HDAC9: variants seen among roughly 807,000 people sequenced by gnomAD.
The protein encoded by HDAC9 is MEF-2 interacting transcription repressor (MITR) protein.
In HDAC9, 41 loss-of-function variants were observed where a neutral mutation model predicts 139.4. That is an observed-to-expected ratio of 0.29 (90% CI 0.23 to 0.38). The LOEUF (loss-of-function observed/expected upper bound fraction) is 0.38, where lower values mean the gene tolerates loss of function less well. Among genes scored for constraint, HDAC9 ranks in the 10% least tolerant of loss-of-function variants. The pLI is 1.00. For missense variants in HDAC9, 1,147 were observed against 1,297.0 expected (o/e 0.88, Z 1.78); for synonymous variants, 517 against 476.2 (o/e 1.09, Z -1.12).
intron 1 of HDAC9, among the ~76,000 whole-genome samples, chr7:18,117,761 A>G (rs912729389): frequency 6.6e-6 from 1 of 152,198 alleles, no homozygotes. Flanking sequence ...GAGAACTGTG[A>G]GAAAATAAAC....
At chr7:18,712,414 T>C (rs10280856) in intron 12 of HDAC9, among the ~76,000 whole-genome samples, 1,586 of 152,314 alleles carry the variant, frequency 0.01, 26 homozygotes, top group African/African-American at 0.036. Flanking sequence ...TAGAATGCCA[T>C]AGTCACTTAT....
At chr7:18,335,629 A>C (rs951156321) in intron 1 of HDAC9, among the ~76,000 whole-genome samples, 1 of 151,590 alleles carries the variant, frequency 6.6e-6, no homozygotes, top group Non-Finnish European at 1.5e-5. Context: ...TAATGGGGAA[A>C]GTAGATTTAT....
chr7:18,594,268 T>C (rs1831833706), intron 6 of HDAC9, among the ~76,000 whole-genome samples: 1 of 152,114 alleles, frequency 6.6e-6, no homozygotes, highest in South Asian at 2.1e-4. Context: ...ATTTGAACTT[T>C]AGCCAAATTA....
intron 2 of HDAC9, among the ~76,000 whole-genome samples, chr7:18,205,764 GA>G (rs1791462574): frequency 6.6e-6 from 1 of 152,014 alleles, no homozygotes; most frequent in African/African-American, 2.4e-5. Context: ...ATACTGGTTA[GA>G]AACATTTCAT....
intron 2 of HDAC9, among the ~76,000 whole-genome samples, chr7:18,207,856 A>G (rs1168308645): frequency 6.6e-6 from 1 of 151,958 alleles, no homozygotes; most frequent in Non-Finnish European, 1.5e-5. Context: ...CTGGGGTTAC[A>G]GGCATGAGCC....
intron 2 of HDAC9, among the ~76,000 whole-genome samples, chr7:18,560,412 A>G (rs967972479): frequency 6.6e-6 from 1 of 152,192 alleles, no homozygotes; most frequent in African/African-American, 2.4e-5. Context: ...ATGTCGTATT[A>G]GTTTCTGCTT....
intron 1 of HDAC9, among the ~76,000 whole-genome samples, chr7:18,407,997 C>G (rs1250184459): frequency 6.6e-6 from 1 of 152,156 alleles, no homozygotes; most frequent in Admixed American, 6.5e-5. Context: ...TGTCGATGGA[C>G]AAATTAACCT....
At chr7:18,582,596 CATT>C (rs1828168212) in intron 2 of HDAC9, among the ~76,000 whole-genome samples, 1 of 152,024 alleles carries the variant, frequency 6.6e-6, no homozygotes, top group Non-Finnish European at 1.5e-5. Context: ...TTCCCACAAA[CATT>C]ATTTTTAATG....
At chr7:18,171,774 C>T (rs190506362) in intron 2 of HDAC9, among the ~76,000 whole-genome samples, 13 of 152,272 alleles carry the variant, frequency 8.5e-5, no homozygotes, top group Admixed American at 7.2e-4. Context: ...GTTGAACCAG[C>T]CTTGCATCCC....
At chr7:18,649,886 G>A (rs1213448105) in intron 11 of HDAC9, among the ~76,000 whole-genome samples, 1 of 152,148 alleles carries the variant, frequency 6.6e-6, no homozygotes, top group African/African-American at 2.4e-5. Context: ...TGGGGTGCTA[G>A]AGATGGGGTG....
At chr7:18,366,015 C>G (rs1466209420) in intron 1 of HDAC9, among the ~76,000 whole-genome samples, 1 of 150,650 alleles carries the variant, frequency 6.6e-6, no homozygotes, top group Non-Finnish European at 1.5e-5. Context: ...CGCAAAGCAA[C>G]CAGGAATCAT....
intron 24 of HDAC9, among the ~76,000 whole-genome samples, chr7:18,956,187 C>G (rs1328582441): frequency 2.6e-5 from 4 of 152,052 alleles, no homozygotes; most frequent in African/African-American, 7.2e-5. Context: ...TTTACACCAC[C>G]CAACAGTGAT....
At chr7:18,993,715 A>C (rs1029946412) in intron 25 of HDAC9, among the ~76,000 whole-genome samples, 11 of 152,062 alleles carry the variant, frequency 7.2e-5, no homozygotes, top group Non-Finnish European at 2.9e-5. Context: ...AGGTAGGAGA[A>C]TGGCTTGAGC....
intron 1 of HDAC9, among the ~76,000 whole-genome samples, chr7:18,443,852 A>G (rs1255567370): frequency 6.6e-6 from 1 of 151,750 alleles, no homozygotes; most frequent in African/African-American, 2.4e-5. Context: ...ATTTGTATAT[A>G]CATTTGTATA....
chr7:18,873,399 AT>A (rs1438206313), intron 21 of HDAC9, among the ~76,000 whole-genome samples: 1 of 152,176 alleles, frequency 6.6e-6, no homozygotes, highest in African/African-American at 2.4e-5. Flanking sequence ...TATTTCAATC[AT>A]TTACATTTCT....
chr7:18,469,887 C>T (rs1401183497), intron 1 of HDAC9, among the ~76,000 whole-genome samples: 2 of 152,032 alleles, frequency 1.3e-5, no homozygotes, highest in African/African-American at 4.8e-5. Flanking sequence ...CAGCTTGACG[C>T]CCAGATGTGT....
At position 18,732,771 on chromosome 7, in the gene HDAC9, G is replaced by A. The variant is rs1287293436; in HGVS notation, c.1909+5014G>A. Among the ~76,000 whole-genome samples the A allele has an allele frequency of 4.7e-5, 4 of 84,812 alleles. 1 individual carries two copies. The highest frequency in any genetic ancestry group is 4.6e-5 in the Non-Finnish European group (2 of 43,786). The allele number at this position is 84,812 out of a possible 152,430, so 55.6% of individuals were successfully genotyped here. On this transcript the variant is annotated intron_variant, in intron 13 of 25. Transcript: ENST00000686413. ...TGTGTACACACACGTGTATGTGTGC[G>A]TATGTGTACACACACGTGTGTTTGT...
At chr7:18,726,120 C>G (rs999965085) in intron 12 of HDAC9, among the ~76,000 whole-genome samples, 1 of 152,084 alleles carries the variant, frequency 6.6e-6, no homozygotes, top group Non-Finnish European at 1.5e-5. Context: ...TATTTATAAT[C>G]CAAATTTATA....
At chr7:18,657,046 A>G (rs984989595) in intron 11 of HDAC9, among the ~76,000 whole-genome samples, 2 of 152,112 alleles carry the variant, frequency 1.3e-5, no homozygotes, top group African/African-American at 4.8e-5. Context: ...AATGATGTTC[A>G]ACATTTTTTC....
Sources: allele counts gnomAD v4.1 joint callset (sites outside exome capture counted in the v4.1 genomes callset), GRCh38; gene constraint gnomAD v4.1.1; transcripts MANE v1.5; gene names NCBI Gene and HGNC (gene_info 2026-07-23, HGNC 2026-07-21).